The following LRRC4C variants were observed in gnomAD, a reference collection of about 807,000 sequenced individuals.
The protein encoded by LRRC4C is leucine rich repeat containing 4C.
A neutral mutation model predicts 33.6 loss-of-function variants in LRRC4C; 5 were observed. The ratio of observed to expected loss-of-function variants is 0.15; its 90% CI spans 0.08 to 0.31. LRRC4C has a LOEUF of 0.31. Ranked by LOEUF, LRRC4C falls within the 10% of genes least tolerant of loss-of-function variation. The pLI is 1.00. For missense variants in LRRC4C, 560 were observed against 796.7 expected (o/e 0.70, Z 3.58); for synonymous variants, 329 against 302.0 (o/e 1.09, Z -0.93).
At chr11:40,716,514 T>A (rs1205027304) in intron 2 of LRRC4C, among the ~76,000 whole-genome samples, 1 of 151,788 alleles carries the variant, frequency 6.6e-6, no homozygotes, top group Non-Finnish European at 1.5e-5. Context: ...GGGCAGGAGG[T>A]CATAGCAAAT....
chr11:40,247,464 A>G (rs572871130), intron 4 of LRRC4C, among the ~76,000 whole-genome samples: 19 of 152,202 alleles, frequency 1.2e-4, no homozygotes, highest in Non-Finnish European at 2.1e-4. Context: ...TATTCAAGCC[A>G]AGCTATAAAA....
At chr11:40,978,784 G>A (rs970697013) in intron 1 of LRRC4C, among the ~76,000 whole-genome samples, 2 of 151,624 alleles carry the variant, frequency 1.3e-5, no homozygotes, top group Non-Finnish European at 2.9e-5. Flanking sequence ...ACCATGCCCG[G>A]CTATTTTTTT....
chr11:41,046,546 A>T (rs2138058501), intron 1 of LRRC4C, among the ~76,000 whole-genome samples: 1 of 152,302 alleles, frequency 6.6e-6, no homozygotes, highest in East Asian at 1.9e-4. Context: ...GGGATAGAAC[A>T]GTCATGGTTT....
At chr11:41,018,935 C>T (rs550697293) in intron 1 of LRRC4C, among the ~76,000 whole-genome samples, 44 of 152,188 alleles carry the variant, frequency 2.9e-4, no homozygotes, top group African/African-American at 9.4e-4. Flanking sequence ...TTTAGGAGTA[C>T]ACATCTATAA....
intron 2 of LRRC4C, among the ~76,000 whole-genome samples, chr11:40,724,298 A>G (rs1436595654): frequency 6.6e-6 from 1 of 152,196 alleles, no homozygotes; most frequent in African/African-American, 2.4e-5. Flanking sequence ...ATAACCACAG[A>G]ATACACATTC....
At chr11:40,420,467 C>A (rs1176490014) in intron 3 of LRRC4C, among the ~76,000 whole-genome samples, 1 of 152,196 alleles carries the variant, frequency 6.6e-6, no homozygotes, top group Non-Finnish European at 1.5e-5. Flanking sequence ...ACATCCTTGT[C>A]TTATCATTCT....
chr11:40,707,934 T>C (rs987993982), intron 2 of LRRC4C, among the ~76,000 whole-genome samples: 2 of 152,206 alleles, frequency 1.3e-5, no homozygotes, highest in Admixed American at 1.3e-4. Flanking sequence ...CCTGTTTTAG[T>C]CTTGGGAGGG....
chr11:40,888,180 CT>C (rs1955548069), intron 2 of LRRC4C, among the ~76,000 whole-genome samples: 1 of 151,784 alleles, frequency 6.6e-6, no homozygotes, highest in East Asian at 1.9e-4. Flanking sequence ...TACATGAGTT[CT>C]TGTTCTCCGG....
intron 1 of LRRC4C, among the ~76,000 whole-genome samples, chr11:41,413,434 T>C (rs1410983084): frequency 6.6e-6 from 1 of 152,232 alleles, no homozygotes; most frequent in Non-Finnish European, 1.5e-5. Flanking sequence ...AAACACTTGT[T>C]CAAAGTTAGC....
intron 2 of LRRC4C, among the ~76,000 whole-genome samples, chr11:40,725,772 A>C (rs879174849): frequency 6.6e-6 from 1 of 152,186 alleles, no homozygotes; most frequent in Admixed American, 6.5e-5. Context: ...AGCTTTTTAA[A>C]AATGAAGTAG....
At chr11:40,357,741 C>G (rs895753935) in intron 3 of LRRC4C, among the ~76,000 whole-genome samples, 1 of 152,078 alleles carries the variant, frequency 6.6e-6, no homozygotes, top group Non-Finnish European at 1.5e-5. Flanking sequence ...ACACAGCAAG[C>G]CTGCCCATCC....
At chr11:40,735,499 T>C (rs1383307380) in intron 2 of LRRC4C, among the ~76,000 whole-genome samples, 1 of 148,788 alleles carries the variant, frequency 6.7e-6, no homozygotes, top group African/African-American at 2.5e-5. Context: ...ACTCATTTTT[T>C]GTGGCTGCAT....
At chr11:41,015,011 A>C (rs2137584436) in intron 1 of LRRC4C, among the ~76,000 whole-genome samples, 1 of 152,310 alleles carries the variant, frequency 6.6e-6, no homozygotes, top group East Asian at 1.9e-4. Context: ...AAAGTGAAGA[A>C]ATTTTAAATG....
chr11:40,369,575 T>G, intron 3 of LRRC4C, among the ~76,000 whole-genome samples: 1 of 152,210 alleles, frequency 6.6e-6, no homozygotes, highest in Non-Finnish European at 1.5e-5. Context: ...TGACCTCAGG[T>G]GGTCTGCCCG....
chr11:41,427,639 G>A (rs79829536), intron 1 of LRRC4C, among the ~76,000 whole-genome samples: 5,872 of 152,204 alleles, frequency 0.039, 396 homozygotes, highest in African/African-American at 0.13. Flanking sequence ...GAAGCCAGGT[G>A]CTGTTTAAAT....
chr11:40,379,228 T>C (rs1382743885), intron 3 of LRRC4C, among the ~76,000 whole-genome samples: 3 of 152,082 alleles, frequency 2.0e-5, no homozygotes, highest in African/African-American at 7.2e-5. Flanking sequence ...TAAGCAGTAT[T>C]TACTCGGTCA....
chr11:40,520,983 A>G (rs1955786194), intron 3 of LRRC4C, among the ~76,000 whole-genome samples: 1 of 152,196 alleles, frequency 6.6e-6, no homozygotes, highest in South Asian at 2.1e-4. Flanking sequence ...TTTAAAAACA[A>G]AAGAACTCAA....
intron 1 of LRRC4C, among the ~76,000 whole-genome samples, chr11:41,335,048 G>T (rs1052636335): frequency 2.6e-5 from 4 of 152,006 alleles, no homozygotes; most frequent in African/African-American, 9.7e-5. Context: ...TCCACCACCT[G>T]GTAACACCTC....
intron 3 of LRRC4C, among the ~76,000 whole-genome samples, chr11:40,502,363 A>G (rs1207967781): frequency 3.3e-5 from 5 of 151,966 alleles, no homozygotes; most frequent in Admixed American, 1.3e-4. Context: ...AATTTACTGT[A>G]TTCATTCATT....
Sources: gnomAD v4.1 joint callset for allele counts (sites outside exome capture counted in the v4.1 genomes callset) on GRCh38, gnomAD v4.1.1 for gene constraint, MANE v1.5 for transcripts, NCBI Gene and HGNC (gene_info 2026-07-23, HGNC 2026-07-21) for gene names.